LRP5: variants seen among roughly 807,000 people sequenced by gnomAD.
The protein encoded by LRP5 is LDL receptor related protein 5, also known as low-density lipoprotein receptor-related protein 5.
In LRP5, 62 loss-of-function variants were observed where a neutral mutation model predicts 154.1. The ratio of observed to expected loss-of-function variants is 0.40; its 90% confidence interval spans 0.33 to 0.50. LRP5 has a LOEUF of 0.50. Among genes scored for constraint, LRP5 ranks in the 20% least tolerant of loss-of-function variants. The pLI, the probability that LRP5 is intolerant of heterozygous loss-of-function variation, is 0.55. For missense variants in LRP5, 1,915 were observed against 2,336.7 expected (o/e 0.82, Z 3.72); for synonymous variants, 966 against 1,011.5 (o/e 0.96, Z 0.85).
At chr11:68,360,421 G>GT (rs1452161741) in intron 3 of LRP5, among the ~76,000 whole-genome samples, 1 of 156 alleles carries the variant, frequency 6.4e-3, no homozygotes, top group Non-Finnish European at 0.012. Flanking sequence ...TGTAGCTCCA[G>GT]GTCTGGTCTG....
chr11:68,360,408 G>T (rs1591223382), intron 3 of LRP5, among the ~76,000 whole-genome samples: 1 of 10,606 alleles, frequency 9.4e-5, no homozygotes, highest in African/African-American at 4.6e-4. Flanking sequence ...GGAACATAGG[G>T]TCTGTAGCTC....
chr11:68,306,127 C>A, the LRP5 span, among the ~76,000 whole-genome samples: 1 of 152,092 alleles, frequency 6.6e-6, no homozygotes, highest in Non-Finnish European at 1.5e-5. Flanking sequence ...TGTCTCAGAT[C>A]TCTGTCTGCT....
Position 68,443,572 on chromosome 11 carries a change from TATATATATATA to T in LRP5, c.4489-2863_4489-2853del, listed in dbSNP as rs1484442153. 4.3e-4 allele frequency among the ~76,000 whole-genome samples: 19 copies of T among 44,338 alleles called. 1 individual carries two copies. The highest frequency in any genetic ancestry group is 1.5e-3 in the South Asian group (2 of 1,358). 29.1% of individuals were successfully genotyped at this position (44,338 alleles called of 152,430 possible). A position where few individuals can be genotyped will look rare whatever the true frequency, so the allele number is the denominator to read the frequency against. ...ATATATATATATATATATATATATA[TATATATATATA>T]TATTTTTTTTTTTTTTGGTTATGTT... On this transcript the variant is annotated intron_variant, in intron 21 of 22. Coordinates refer to ENST00000294304, the MANE Select transcript of LRP5 (RefSeq NM_002335.4).
chr11:68,318,365 A>G (rs1414518069), intron 1 of LRP5, among the ~76,000 whole-genome samples: 12 of 118,792 alleles, frequency 1.0e-4, no homozygotes, highest in Non-Finnish European at 1.7e-4. Flanking sequence ...TTTTTTTTTG[A>G]GTCTTGCTCT....
intron 14 of LRP5, among the ~76,000 whole-genome samples, chr11:68,424,854 T>C (rs1225657927): frequency 6.6e-6 from 1 of 152,210 alleles, no homozygotes; most frequent in Non-Finnish European, 1.5e-5. Flanking sequence ...CCCTCACCCA[T>C]TGTGGTCGTA....
At chr11:68,363,626 C>T (rs2098629228) in intron 3 of LRP5, 121 bp from the exon 4 acceptor site, 1 of 818,548 alleles carries the variant, frequency 1.2e-6, no homozygotes. Context: ...CACTGCACTC[C>T]AGCCTGGGCG....
chr11:68,387,656 A>G (rs1310835721), intron 6 of LRP5, among the ~76,000 whole-genome samples: 2 of 152,348 alleles, frequency 1.3e-5, no homozygotes, highest in East Asian at 3.9e-4. Flanking sequence ...GACCCGCCCC[A>G]GCGGCTCAGA....
At chr11:68,306,591 T>G in the LRP5 span, among the ~76,000 whole-genome samples, 1 of 152,242 alleles carries the variant, frequency 6.6e-6, no homozygotes, top group Non-Finnish European at 1.5e-5. Flanking sequence ...GGGATTAGGA[T>G]GTAGATACAT....
chr11:68,445,591 A>T (rs780297107), intron 21 of LRP5: 4 of 1,316,438 alleles, frequency 3.0e-6, no homozygotes, highest in Non-Finnish European at 3.0e-6. Context: ...ATCTGGCTGT[A>T]TGCTTTCCAG....
At chr11:68,443,585 A>ATATATATT (rs1259673892) in intron 21 of LRP5, among the ~76,000 whole-genome samples, 19 of 24,838 alleles carry the variant, frequency 7.6e-4, no homozygotes, top group African/African-American at 1.4e-3. Context: ...ATATATATAT[A>ATATATATT]TTTTTTTTTT....
At chr11:68,322,177 G>A (rs1458130638) in intron 1 of LRP5, among the ~76,000 whole-genome samples, 1 of 152,110 alleles carries the variant, frequency 6.6e-6, no homozygotes, top group Non-Finnish European at 1.5e-5. Context: ...TGGAGCCTCC[G>A]AGCTGACGTC....
intron 12 of LRP5, among the ~76,000 whole-genome samples, chr11:68,415,191 G>T (rs114133721): frequency 6.6e-6 from 1 of 152,146 alleles, no homozygotes; most frequent in Non-Finnish European, 1.5e-5. Context: ...CTGGTTCTTC[G>T]GATCCTGGTA....
chr11:68,308,111 G>C (rs922977248), upstream of LRP5, among the ~76,000 whole-genome samples: 2 of 152,228 alleles, frequency 1.3e-5, no homozygotes, highest in African/African-American at 2.4e-5. Context: ...TGCCTGTTTT[G>C]GGGAGAGGCC....
intron 1 of LRP5, among the ~76,000 whole-genome samples, chr11:68,326,366 T>G (rs2098599669): frequency 6.6e-6 from 1 of 152,198 alleles, no homozygotes; most frequent in African/African-American, 2.4e-5. Context: ...GCTTCCTCTG[T>G]GGGGGGCTCC....
intron 15 of LRP5, 139 bp from the exon 16 acceptor site, chr11:68,425,839 C>A: frequency 1.3e-6 from 1 of 755,126 alleles, no homozygotes; most frequent in Non-Finnish European, 2.2e-6. Context: ...AGGGACTCTG[C>A]TGCAGCTCCC....
intron 5 of LRP5, among the ~76,000 whole-genome samples, chr11:68,383,261 C>G (rs1472638697): frequency 6.6e-6 from 1 of 152,198 alleles, no homozygotes; most frequent in Non-Finnish European, 1.5e-5. Flanking sequence ...GTGCCGGTTT[C>G]TGTCTGGCAC....
chr11:68,362,029 C>T (rs1379239230), intron 3 of LRP5, among the ~76,000 whole-genome samples: 1 of 152,134 alleles, frequency 6.6e-6, no homozygotes, highest in Non-Finnish European at 1.5e-5. Flanking sequence ...ACACAAAGGT[C>T]CCCCAGTGGG....
chr11:68,349,438 C>T (rs966172151), intron 2 of LRP5, among the ~76,000 whole-genome samples: 5 of 152,158 alleles, frequency 3.3e-5, no homozygotes, highest in African/African-American at 7.2e-5. Context: ...GGTGGGCGGC[C>T]TGGGAAGTGC....
chr11:68,375,183 T>C (rs987988674), intron 5 of LRP5, among the ~76,000 whole-genome samples: 2 of 152,192 alleles, frequency 1.3e-5, no homozygotes, highest in African/African-American at 4.8e-5. Context: ...GATGACTCCT[T>C]GTTTCGTTTC....
Sources: allele counts gnomAD v4.1 joint callset (sites outside exome capture counted in the v4.1 genomes callset), GRCh38; gene constraint gnomAD v4.1.1; transcripts MANE v1.5; gene names NCBI Gene and HGNC (gene_info 2026-07-23, HGNC 2026-07-21).